LRFN5: variants seen among roughly 807,000 people sequenced by gnomAD.
LRFN5 encodes leucine-rich repeat and fibronectin type-III domain-containing protein 5.
A neutral mutation model predicts 45.6 loss-of-function variants in LRFN5; 24 were observed. The ratio of observed to expected loss-of-function variants is 0.53; its 90% CI spans 0.38 to 0.74. LRFN5 has a LOEUF of 0.74. Among genes scored for constraint, LRFN5 ranks in the 30% least tolerant of loss-of-function variants. LRFN5 has a pLI of 0.00. For synonymous variants in LRFN5, 340 were observed against 313.8 expected (o/e 1.08, Z -0.88); for missense variants, 776 against 861.5 (o/e 0.90, Z 1.24).
At chr14:41,679,661 C>T (rs1307795144) in intron 1 of LRFN5, among the ~76,000 whole-genome samples, 1 of 152,084 alleles carries the variant, frequency 6.6e-6, no homozygotes, top group African/African-American at 2.4e-5. Flanking sequence ...GTGCTAGCTT[C>T]AGGTGTGACC....
intron 1 of LRFN5, among the ~76,000 whole-genome samples, chr14:41,704,446 C>CTGTGTGTGTGTGTG (rs1233748767): frequency 7.9e-6 from 1 of 126,866 alleles, no homozygotes; most frequent in African/African-American, 3.6e-5. Context: ...CTCTCTCTCT[C>CTGTGTGTGTGTGTG]TCTGTGTGTG....
intron 1 of LRFN5, among the ~76,000 whole-genome samples, chr14:41,681,736 A>G (rs1246489136): frequency 1.3e-5 from 2 of 152,026 alleles, no homozygotes; most frequent in African/African-American, 4.8e-5. Flanking sequence ...TACACAGGAT[A>G]ACACAGAATA....
rs1394490574 is a variant in LRFN5, at chr14:41,887,820, A to T, written c.1195A>T (p.Thr399Ser). The T allele has an allele frequency of 6.2e-7, 1 of 1,613,866 alleles. No individual in the cohort carries two copies. The highest frequency in any genetic ancestry group is 1.3e-5 in the African/African-American group (1 of 74,892). Reference sequence around the variant, plus strand: ...TGATCCTGGTTCTTCAGATATCTCAACTTCTACCAAGTCAGGTTCTAATAC... The same window carrying T: ...TGATCCTGGTTCTTCAGATATCTCATCTTCTACCAAGTCAGGTTCTAATAC... ...EPDPGSSDIS[T>S]STKSGSNTSS... Residue 399 changes from threonine to serine, a missense_variant, in exon 3 of 6, where the codon ACT (threonine) becomes TCT (serine). Physicochemically the swap from Thr to Ser is moderately conservative, Grantham distance 58 (BLOSUM62 1). Around this residue, in one of 2 missense-constraint regions of LRFN5, gnomAD observed 465 missense variants for 456.4 expected, o/e 1.02. Transcript: ENST00000298119. The surrounding 1 kb of genome is among the most constrained non-coding windows in gnomAD (Gnocchi z 4.8).
In LRFN5 at chr14:41,620,649, ATAGCTATG is replaced by A. The variant is rs199732029; in HGVS notation, c.-197+12089_-197+12096del. Among the ~76,000 whole-genome samples the A allele has an allele frequency of 9.1e-3, 1,381 of 152,222 alleles. 6 individuals are homozygous for A. Among genetic ancestry groups the A allele is most frequent in the East Asian group, 0.014 (75 of 5,188 alleles). Reference sequence around the variant, plus strand: ...AATTGAAAATTAAAATATTGTTTAAATAGCTATGTGAGTATATGACTATCGCACTTATT... The same window carrying A: ...AATTGAAAATTAAAATATTGTTTAAATGAGTATATGACTATCGCACTTATT... On this transcript the variant is annotated intron_variant, in intron 1 of 5. Coordinates refer to ENST00000298119, the MANE Select transcript of LRFN5 (RefSeq NM_152447.5).
At chr14:41,670,665 T>C (rs903083809) in intron 1 of LRFN5, among the ~76,000 whole-genome samples, 5 of 151,960 alleles carry the variant, frequency 3.3e-5, no homozygotes, top group African/African-American at 9.7e-5. Flanking sequence ...CCAGTTGAGT[T>C]ATAAAATCGT....
At chr14:41,656,665 A>C (rs1219725597) in intron 1 of LRFN5, among the ~76,000 whole-genome samples, 1 of 151,912 alleles carries the variant, frequency 6.6e-6, no homozygotes, top group Non-Finnish European at 1.5e-5. Flanking sequence ...TACAGTGATC[A>C]AACCCATTGT....
chr14:41,614,687 T>C (rs1390357372), intron 1 of LRFN5, among the ~76,000 whole-genome samples: 1 of 152,096 alleles, frequency 6.6e-6, no homozygotes, highest in Non-Finnish European at 1.5e-5. Context: ...GTCACAGCCC[T>C]GTATAACCTT....
intron 2 of LRFN5, among the ~76,000 whole-genome samples, chr14:41,812,826 G>A (rs1306234557): frequency 6.6e-6 from 1 of 151,992 alleles, no homozygotes; most frequent in African/African-American, 2.4e-5. Flanking sequence ...ATTATTTCAG[G>A]AGAGAACAAG....
rs551775485 is a variant in LRFN5, at chr14:41,657,104, A to G, written c.-197+48542A>G. Among the ~76,000 whole-genome samples, 19 of 152,030 alleles carry G rather than the reference A, an allele frequency of 1.2e-4. No homozygotes were observed. The East Asian group carries it at 1.9e-3, about 15-fold the overall frequency. ...TTTTCAAGGGAAAGAAATGAAATAC[A>G]TCTTTGTTTTCCAGCCTCTCATCTA... On this transcript the variant is annotated intron_variant, in intron 1 of 5. Coordinates refer to ENST00000298119, the MANE Select transcript of LRFN5 (RefSeq NM_152447.5).
intron 1 of LRFN5, among the ~76,000 whole-genome samples, chr14:41,674,304 ACGGGGCGGC>A: frequency 4.8e-5 from 6 of 125,320 alleles, no homozygotes; most frequent in Admixed American, 7.9e-5. Flanking sequence ...CACCTCCCGG[ACGGGGCGGC>A]TGGCCGGGCG....
At chr14:41,791,935 C>A (rs893917064) in intron 2 of LRFN5, among the ~76,000 whole-genome samples, 1 of 152,178 alleles carries the variant, frequency 6.6e-6, no homozygotes, top group Non-Finnish European at 1.5e-5. Flanking sequence ...CTTTGGCTAT[C>A]CATTATGGTT....
At chr14:41,791,978 A>C (rs1479407919) in intron 2 of LRFN5, among the ~76,000 whole-genome samples, 1 of 152,094 alleles carries the variant, frequency 6.6e-6, no homozygotes, top group African/African-American at 2.4e-5. Context: ...TGCAGCAAAC[A>C]TGATTATCAG....
intron 1 of LRFN5, among the ~76,000 whole-genome samples, chr14:41,701,849 A>G (rs538181588): frequency 8.5e-5 from 13 of 152,150 alleles, no homozygotes; most frequent in Non-Finnish European, 1.6e-4. Flanking sequence ...TGATGGATCA[A>G]CAGCATTAGC....
chr14:41,887,383 G>A lies in LRFN5; in HGVS notation c.758G>A (p.Arg253His), dbSNP rs1358755376. 9.3e-6 allele frequency: 15 copies of A among 1,614,162 alleles called. No homozygotes were observed. The highest frequency in any genetic ancestry group is 1.1e-5 in the South Asian group (1 of 91,084). ...HCNCELLWLRRLSREDDLETC... is the reference protein window; with the variant it reads ...HCNCELLWLRHLSREDDLETC... The stretch of plus-strand genomic sequence containing the variant: ...AATTGTGAATTGTTGTGGTTGAGGC[G>A]TCTGTCCAGAGAAGATGACTTAGAG... The change falls in exon 3 of 6, where the codon CGT becomes CAT. Residue 253 changes from arginine to histidine, a missense_variant. Coordinates refer to ENST00000298119, the MANE Select transcript of LRFN5 (RefSeq NM_152447.5). This position sits in a 1 kb window ranked among gnomAD's most constrained non-coding sequence, Gnocchi z 4.8.
intron 4 of LRFN5, chr14:41,894,193 C>T (rs908397058): frequency 1.0e-6 from 1 of 985,010 alleles, no homozygotes; most frequent in Non-Finnish European, 1.2e-6. Flanking sequence ...GATAAGGATG[C>T]TCTGAAATCA....
At chr14:41,900,386 A>G (rs1056831409) in intron 5 of LRFN5, among the ~76,000 whole-genome samples, 3 of 152,066 alleles carry the variant, frequency 2.0e-5, no homozygotes, top group African/African-American at 7.2e-5. Flanking sequence ...TATAAATGGA[A>G]TTTAGACTTT....
intron 3 of LRFN5, among the ~76,000 whole-genome samples, chr14:41,888,265 A>C (rs181326771): frequency 6.6e-6 from 1 of 152,234 alleles, no homozygotes; most frequent in East Asian, 1.9e-4. Context: ...AGATGTGACT[A>C]TCAGAGAACA....
intron 1 of LRFN5, among the ~76,000 whole-genome samples, chr14:41,617,344 T>A (rs975412283): frequency 1.3e-5 from 2 of 152,132 alleles, no homozygotes; most frequent in African/African-American, 4.8e-5. Context: ...AGGTGGTTAA[T>A]TTGCTTGCCC....
chr14:41,890,596 A>G (rs929845209), intron 3 of LRFN5, among the ~76,000 whole-genome samples: 3 of 151,226 alleles, frequency 2.0e-5, no homozygotes, highest in African/African-American at 7.3e-5. Context: ...AGTCCCAGCT[A>G]CTCGGCAGGC....
Sources: allele counts gnomAD v4.1 joint callset (sites outside exome capture counted in the v4.1 genomes callset), GRCh38; gene constraint gnomAD v4.1.1; regional missense constraint gnomAD v4.1.1; non-coding constraint Gnocchi (gnomAD v3.1); transcripts MANE v1.5; gene names NCBI Gene and HGNC (gene_info 2026-07-23, HGNC 2026-07-21).